The following FNBP1 variants were observed in gnomAD, a reference collection of about 807,000 sequenced individuals.
FNBP1 encodes formin binding protein 1.
In FNBP1, 26 loss-of-function variants were observed where a neutral mutation model predicts 90.6. The ratio of observed to expected loss-of-function variants is 0.29; its 90% CI spans 0.21 to 0.40. The LOEUF (loss-of-function observed/expected upper bound fraction) is 0.40. Among genes scored for constraint, FNBP1 ranks in the 10% least tolerant of loss-of-function variants. FNBP1 has a pLI of 1.00. For synonymous variants in FNBP1, 260 were observed against 265.2 expected (o/e 0.98, Z 0.19); for missense variants, 635 against 768.0 (o/e 0.83, Z 2.05).
At chr9:129,961,390 G>A (rs1025107939) in intron 4 of FNBP1, among the ~76,000 whole-genome samples, 18 of 152,124 alleles carry the variant, frequency 1.2e-4, no homozygotes, top group Non-Finnish European at 5.9e-5. Context: ...TGAGCTTAGG[G>A]AGCGGTCTGT....
At chr9:129,898,275 G>C (rs574021597) in intron 15 of FNBP1, among the ~76,000 whole-genome samples, 2 of 152,122 alleles carry the variant, frequency 1.3e-5, no homozygotes, top group Admixed American at 1.3e-4. Context: ...ATAAAACCCA[G>C]ATGTTTCCCT....
In FNBP1 at chr9:129,927,678, C is replaced by A. The variant is rs190033533; in HGVS notation, c.643-337G>T. 4.8e-3 allele frequency among the ~76,000 whole-genome samples: 729 copies of A among 152,142 alleles called. 3 individuals carry two copies. The highest frequency in any genetic ancestry group is 8.0e-3 in the Non-Finnish European group (545 of 67,996). ...AGGCTGGAGTGCAGTGGTGTGATCTCAGCTCACTGCAACCTCTGCCTCCAG... is the reference window on the plus strand; with the variant it reads ...AGGCTGGAGTGCAGTGGTGTGATCTAAGCTCACTGCAACCTCTGCCTCCAG... On this transcript the variant is annotated intron_variant, in intron 7 of 16. Coordinates refer to ENST00000446176, the MANE Select transcript of FNBP1 (RefSeq NM_015033.3).
chr9:129,999,577 C>A (rs1239863303), intron 1 of FNBP1, among the ~76,000 whole-genome samples: 1 of 148,958 alleles, frequency 6.7e-6, no homozygotes, highest in Non-Finnish European at 1.5e-5. Context: ...CAGCCTGGGG[C>A]GACAGAGTGA....
chr9:129,892,409 ACACAC>A (rs770667767), intron 16 of FNBP1, among the ~76,000 whole-genome samples: 2,958 of 146,152 alleles, frequency 0.02, 50 homozygotes, highest in Non-Finnish European at 0.031. Flanking sequence ...ACACACACAC[ACACAC>A]ACAAAAAGGT....
chr9:129,928,578 C>T (rs992014890), intron 7 of FNBP1, among the ~76,000 whole-genome samples: 42 of 151,074 alleles, frequency 2.8e-4, no homozygotes, highest in East Asian at 1.8e-3. Flanking sequence ...GGAGATTCGC[C>T]GGAACCCAGG....
chr9:129,898,091 A>G (rs1025947840), intron 15 of FNBP1, among the ~76,000 whole-genome samples: 1 of 152,116 alleles, frequency 6.6e-6, no homozygotes, highest in Non-Finnish European at 1.5e-5. Context: ...CAGCCTCCCA[A>G]AGTTCTAGGA....
intron 13 of FNBP1, 65 bp downstream of exon 13, chr9:129,902,804 A>ATTC: frequency 6.4e-7 from 1 of 1,567,346 alleles, no homozygotes; most frequent in East Asian, 2.3e-5. Flanking sequence ...GCCCCACACC[A>ATTC]TTCTACACCG....
At chr9:130,027,734 GC>G (rs2058475793) in intron 1 of FNBP1, among the ~76,000 whole-genome samples, 1 of 152,082 alleles carries the variant, frequency 6.6e-6, no homozygotes, top group African/African-American at 2.4e-5. Flanking sequence ...CATATGGCTG[GC>G]AGCTAAGTAT....
At chr9:130,004,264 A>G (rs970013821) in intron 1 of FNBP1, among the ~76,000 whole-genome samples, 3 of 134,522 alleles carry the variant, frequency 2.2e-5, no homozygotes, top group South Asian at 4.6e-4. Flanking sequence ...CTCCATCTCG[A>G]AAAAAAAAAA....
rs1034031487 is a variant in FNBP1 at position 130,042,579 on chromosome 9, G to A, written c.24+373C>T. 6.6e-6 allele frequency among the ~76,000 whole-genome samples: 1 copy of A among 151,590 alleles called. No homozygotes were observed. The highest frequency in any genetic ancestry group is 2.4e-5 in the African/African-American group (1 of 41,418). On this transcript the variant is annotated intron_variant, in intron 1 of 16. Coordinates refer to ENST00000446176, the MANE Select transcript of FNBP1 (RefSeq NM_015033.3). The surrounding 1 kb of genome is among the most constrained non-coding windows in gnomAD (Gnocchi z 5.5). ...CCCAACGCAGCGCCGCGCAGCCGGG[G>A]CCTCCACGCCCCCACGCCCGGTCCC...
At chr9:129,937,172 G>GC (rs1443139051) in intron 6 of FNBP1, among the ~76,000 whole-genome samples, 6 of 7,378 alleles carry the variant, frequency 8.1e-4, no homozygotes, top group Middle Eastern at 0.14. Context: ...TCTGTCTCAA[G>GC]GGGGGGAAAA....
At chr9:130,013,477 G>A (rs549384876) in intron 1 of FNBP1, among the ~76,000 whole-genome samples, 3 of 152,254 alleles carry the variant, frequency 2.0e-5, no homozygotes, top group South Asian at 2.1e-4. Flanking sequence ...AAACAAGGAC[G>A]TGGTGTAATG....
intron 4 of FNBP1, among the ~76,000 whole-genome samples, chr9:129,964,451 CAAAA>C (rs778764103): frequency 6.6e-6 from 1 of 151,824 alleles, no homozygotes; most frequent in Non-Finnish European, 1.5e-5. Flanking sequence ...AACAAACAAA[CAAAA>C]AAACCCAAAC....
At chr9:129,972,246 G>A (rs1416664056) in intron 4 of FNBP1, among the ~76,000 whole-genome samples, 1 of 152,148 alleles carries the variant, frequency 6.6e-6, no homozygotes, top group East Asian at 1.9e-4. Context: ...CGATTCTCCT[G>A]CCTCAGCCTC....
In FNBP1 at chr9:129,925,058, C is replaced by T; in HGVS notation, c.889G>A (p.Asp297Asn). ...CCTCTGGAATTTGAAAGGCTGTTAT[C>T]TGACACAGTGCGCTTCATTGGCTGA... is the stretch of plus-strand genomic sequence containing the variant. ...YTQPMKRTVS[D>N]NSLSNSRGEG... Residue 297 changes from aspartate (D) to asparagine (N), a missense_variant, in exon 9 of 17, where the codon GAT becomes AAT. Transcript: ENST00000446176. 10 of 1,613,952 alleles carry T rather than the reference C, an allele frequency of 6.2e-6. No homozygotes were observed. The highest frequency in any genetic ancestry group is 7.6e-6 in the Non-Finnish European group (9 of 1,179,854).
intron 2 of FNBP1, among the ~76,000 whole-genome samples, chr9:129,991,137 T>C (rs1213456031): frequency 6.6e-6 from 1 of 151,880 alleles, no homozygotes; most frequent in Non-Finnish European, 1.5e-5. Context: ...GGTTTCACCA[T>C]GTTAGTCAGC....
At chr9:130,046,775 C>CAA (rs34811454), upstream of FNBP1, among the ~76,000 whole-genome samples, 2 of 83,168 alleles carry the variant, frequency 2.4e-5, no homozygotes, top group African/African-American at 8.9e-5. Context: ...GACTTTATCT[C>CAA]AAAAAAAAAA....
chr9:129,935,520 C>T (rs1264155057), intron 6 of FNBP1, among the ~76,000 whole-genome samples: 10 of 151,692 alleles, frequency 6.6e-5, no homozygotes, highest in Non-Finnish European at 1.3e-4. Context: ...TGGAGTCTCA[C>T]TCTGTTGCCC....
chr9:129,989,159 C>T (rs780666749), intron 2 of FNBP1, among the ~76,000 whole-genome samples: 1 of 152,192 alleles, frequency 6.6e-6, no homozygotes, highest in Non-Finnish European at 1.5e-5. Context: ...TCAGTAACCA[C>T]CCCCACTTCA....
Sources: allele counts gnomAD v4.1 joint callset (sites outside exome capture counted in the v4.1 genomes callset), GRCh38; gene constraint gnomAD v4.1.1; non-coding constraint Gnocchi (gnomAD v3.1); transcripts MANE v1.5; gene names NCBI Gene and HGNC (gene_info 2026-07-23, HGNC 2026-07-21).